Variants in SMG6 observed in about 807,000 individuals in gnomAD.
SMG6 encodes telomerase-binding protein EST1A.
In SMG6, 66 loss-of-function variants were observed where a neutral mutation model predicts 142.2. The ratio of observed to expected loss-of-function variants is 0.46; its 90% CI spans 0.38 to 0.57. The LOEUF (loss-of-function observed/expected upper bound fraction) is 0.57. Ranked by LOEUF, SMG6 falls within the 20% of genes least tolerant of loss-of-function variation. The pLI, the probability that SMG6 is intolerant of heterozygous loss-of-function variation, is 0.00. For synonymous variants in SMG6, 779 were observed against 702.4 expected (o/e 1.11, Z -1.72); for missense variants, 1,793 against 1,832.0 (o/e 0.98, Z 0.39).
intron 18 of SMG6, chr17:2,062,471 GCA>G (rs1303420413): frequency 6.6e-6 from 1 of 151,672 alleles, no homozygotes; most frequent in Non-Finnish European, 1.5e-5. Flanking sequence ...TGCTATAGTG[GCA>G]CAGATATCTT....
At chr17:2,249,597 C>T (rs906141116) in intron 8 of SMG6, among the ~76,000 whole-genome samples, 2 of 151,904 alleles carry the variant, frequency 1.3e-5, no homozygotes, top group African/African-American at 2.4e-5. Flanking sequence ...GTGCTCAGAT[C>T]ACAGGCGTGA....
intron 10 of SMG6, among the ~76,000 whole-genome samples, chr17:2,226,863 A>G (rs961250510): frequency 6.6e-6 from 1 of 151,800 alleles, no homozygotes; most frequent in East Asian, 1.9e-4. Flanking sequence ...GATCACGCCA[A>G]TGCACTCCAG....
At chr17:2,294,446 C>T (rs1203298111) in intron 4 of SMG6, among the ~76,000 whole-genome samples, 3 of 152,230 alleles carry the variant, frequency 2.0e-5, no homozygotes, top group African/African-American at 7.2e-5. Flanking sequence ...TGAGCCTCTG[C>T]TTACCTCATC....
At chr17:2,161,380 C>T (rs1400924799) in intron 13 of SMG6, among the ~76,000 whole-genome samples, 1 of 151,856 alleles carries the variant, frequency 6.6e-6, no homozygotes, top group East Asian at 1.9e-4. Context: ...GCTAGGATTA[C>T]AGGCATGAGC....
Position 2,283,632 on chromosome 17 carries a change from T to C in SMG6, c.2441A>G (p.Lys814Arg). Residue 814 changes from lysine (K) to arginine (R), a missense_variant, in exon 7 of 19, where the codon AAG becomes AGG. Around this residue, in one of 3 missense-constraint regions of SMG6, gnomAD observed 1,597 missense variants for 1,584.6 expected, o/e 1.01. Transcript: ENST00000263073. ...ESLMSLFEET[K>R]RKAEQMEKKQ... ...TGCCACATCCCCACTCACCTTCCGC[T>C]TGGTCTCTTCAAACAAGCTCATGAG... 6.2e-7 allele frequency: 1 copy of C among 1,613,768 alleles called. No homozygotes were observed. The highest frequency in any genetic ancestry group is 8.5e-7 in the Non-Finnish European group (1 of 1,179,700).
intron 13 of SMG6, among the ~76,000 whole-genome samples, chr17:2,169,843 A>C (rs1276220957): frequency 2.0e-5 from 3 of 152,206 alleles, no homozygotes; most frequent in Non-Finnish European, 4.4e-5. Flanking sequence ...TTAAAAATAG[A>C]CTGAAGAGTA....
chr17:2,093,111 T>C (rs760638784), intron 13 of SMG6, among the ~76,000 whole-genome samples: 19 of 151,930 alleles, frequency 1.3e-4, no homozygotes, highest in African/African-American at 3.4e-4. Context: ...GGAGAATCTA[T>C]TGAACCCAGG....
intron 7 of SMG6, 104 bp from the exon 8 acceptor site, chr17:2,282,963 G>A: frequency 8.9e-7 from 1 of 1,123,930 alleles, no homozygotes; most frequent in Non-Finnish European, 1.3e-6. Context: ...TTGAGGTCAG[G>A]AGTTTGAGAC....
chr17:2,241,887 G>C (rs2073810238), intron 9 of SMG6, among the ~76,000 whole-genome samples: 1 of 152,166 alleles, frequency 6.6e-6, no homozygotes. Context: ...GTCTCTAACA[G>C]GGCAAGAAAT....
intron 13 of SMG6, among the ~76,000 whole-genome samples, chr17:2,170,045 A>C (rs984712474): frequency 1.2e-4 from 19 of 152,188 alleles, no homozygotes; most frequent in Admixed American, 3.9e-4. Context: ...CAAGCAGCCC[A>C]AAAATCAAGG....
chr17:2,249,104 A>G (rs766996107), intron 8 of SMG6, among the ~76,000 whole-genome samples: 28 of 151,416 alleles, frequency 1.8e-4, no homozygotes, highest in Non-Finnish European at 2.7e-4. Flanking sequence ...CGTGTTAGCC[A>G]GGATGGTCTC....
chr17:2,165,499 C>T (rs1470040508), intron 13 of SMG6, among the ~76,000 whole-genome samples: 1 of 152,190 alleles, frequency 6.6e-6, no homozygotes, highest in Non-Finnish European at 1.5e-5. Flanking sequence ...GGAATATTTG[C>T]ACTTTATCCT....
chr17:2,150,078 G>A (rs2070780227), intron 13 of SMG6, among the ~76,000 whole-genome samples: 2 of 152,198 alleles, frequency 1.3e-5, no homozygotes, highest in African/African-American at 2.4e-5. Context: ...GGCTTGTTAG[G>A]AACTGGGCCG....
intron 10 of SMG6, among the ~76,000 whole-genome samples, chr17:2,204,906 T>A (rs888474233): frequency 6.6e-6 from 1 of 152,084 alleles, no homozygotes; most frequent in Non-Finnish European, 1.5e-5. Context: ...AAAGTTGCAG[T>A]GAGCTGAGAT....
intron 13 of SMG6, among the ~76,000 whole-genome samples, chr17:2,106,688 C>T (rs1463331697): frequency 6.6e-6 from 1 of 152,306 alleles, no homozygotes; most frequent in Non-Finnish European, 1.5e-5. Context: ...GCAAAGCTTA[C>T]AGGCCACTAC....
rs35081142 is a variant in SMG6, at chr17:2,237,089, AT to A, written c.2724-453del. Reference sequence around the variant, plus strand: ...TGTGAATCTAAACAAAAAAAAAAAAATTTTTTTTTTTTTTTGAGACAAAGTT... The same window carrying A: ...TGTGAATCTAAACAAAAAAAAAAAAATTTTTTTTTTTTTTGAGACAAAGTT... On this transcript the variant is annotated intron_variant, in intron 9 of 18. Coordinates refer to ENST00000263073, the MANE Select transcript of SMG6 (RefSeq NM_017575.5). The A allele has an allele frequency of 4.4e-3, 420 of 95,756 alleles. 1 individual carries two copies. The highest frequency in any genetic ancestry group is 0.014 in the African/African-American group (344 of 24,118). 5.9% of individuals were successfully genotyped at this position (95,756 alleles called of 1,614,324 possible).
chr17:2,102,468 C>T (rs1338371502), intron 13 of SMG6, among the ~76,000 whole-genome samples: 2 of 151,656 alleles, frequency 1.3e-5, no homozygotes, highest in African/African-American at 2.4e-5. Context: ...GTGATCTTCC[C>T]GCCTCAGCCT....
intron 10 of SMG6, chr17:2,235,692 A>T (rs1324975457): frequency 6.5e-6 from 1 of 152,672 alleles, no homozygotes; most frequent in Non-Finnish European, 1.5e-5. Context: ...GAACAGACAC[A>T]GAAAATAATG....
chr17:2,064,925 T>G, intron 18 of SMG6, 148 bp downstream of exon 18: 2 of 599,528 alleles, frequency 3.3e-6, no homozygotes, highest in South Asian at 2.3e-5. Context: ...GACAGGGAGG[T>G]TGGGCCTCAG....
Sources: allele counts gnomAD v4.1 joint callset (sites outside exome capture counted in the v4.1 genomes callset), GRCh38; gene constraint gnomAD v4.1.1; regional missense constraint gnomAD v4.1.1; transcripts MANE v1.5; gene names NCBI Gene and HGNC (gene_info 2026-07-23, HGNC 2026-07-21).